Variants in KCNQ1 observed in about 807,000 individuals in gnomAD.
The protein encoded by KCNQ1 is potassium voltage-gated channel subfamily KQT member 1.
A neutral mutation model predicts 72.4 loss-of-function variants in KCNQ1; 49 were observed. The ratio of observed to expected loss-of-function variants is 0.68; its 90% CI spans 0.54 to 0.86. KCNQ1 has a LOEUF of 0.86. KCNQ1 is among the 40% of genes least tolerant of loss of function. The pLI is 0.00. For missense variants in KCNQ1, 790 were observed against 945.1 expected (o/e 0.84, Z 2.15); for synonymous variants, 450 against 412.6 (o/e 1.09, Z -1.10).
chr11:2,657,434 T>A lies in KCNQ1; in HGVS notation c.1394-4527T>A. On this transcript the variant is annotated intron_variant, in intron 10 of 15. Coordinates refer to ENST00000155840, the MANE Select transcript of KCNQ1 (RefSeq NM_000218.3). This position sits in a 1 kb window ranked among gnomAD's most constrained non-coding sequence, Gnocchi z 4.8. ...GAGTTCTTGCATATACTTAGTTAGA[T>A]AATTAATATTCTTTTGTGCTATTGT... The A allele has an allele frequency of 2.5e-6, 1 of 398,612 alleles. No individual in the cohort carries two copies. Among genetic ancestry groups the A allele is most frequent in the Admixed American group, 4.4e-5 (1 of 22,746 alleles). 24.7% of individuals were successfully genotyped at this position (398,612 alleles called of 1,614,324 possible). A position where few individuals can be genotyped will look rare whatever the true frequency, so the allele number is the denominator to read the frequency against.
At chr11:2,814,769 G>A (rs1213395322) in intron 15 of KCNQ1, among the ~76,000 whole-genome samples, 1 of 152,150 alleles carries the variant, frequency 6.6e-6, no homozygotes, top group Non-Finnish European at 1.5e-5. Context: ...AAGTCCTCGA[G>A]GCTGGCATCC....
In KCNQ1 at chr11:2,687,708, G is replaced by T; in HGVS notation, c.1514+25627G>T. On this transcript the variant is annotated intron_variant, in intron 11 of 15. Transcript: ENST00000155840. The surrounding 1 kb of genome is among the most constrained non-coding windows in gnomAD (Gnocchi z 5.0). ...GGGTTCAGTGTTGGAATGGGTCTGG[G>T]CCCAGATTTCAAGCCAGTAACCAGC... is the stretch of plus-strand genomic sequence containing the variant. 1 of 398,706 alleles carries T rather than the reference G, an allele frequency of 2.5e-6. No homozygotes were observed. Among genetic ancestry groups the T allele is most frequent in the Middle Eastern group, 6.3e-4 (1 of 1,590 alleles). The allele number at this position is 398,706 out of a possible 1,614,324, so 24.7% of individuals were successfully genotyped here.
chr11:2,649,125 A>G (rs1849718227), intron 10 of KCNQ1: 2 of 396,672 alleles, frequency 5.0e-6, no homozygotes, highest in Non-Finnish European at 8.9e-6. Flanking sequence ...TCAGTTTCTT[A>G]TAGGCAGCAT....
intron 2 of KCNQ1, among the ~76,000 whole-genome samples, chr11:2,568,762 G>A (rs532640642): frequency 3.3e-5 from 5 of 152,326 alleles, no homozygotes; most frequent in East Asian, 3.9e-4. Flanking sequence ...GAGCTCAGCC[G>A]GACCTCAGCC....
chr11:2,689,467 C>T (rs1305772148), intron 11 of KCNQ1: 3 of 398,572 alleles, frequency 7.5e-6, no homozygotes, highest in Non-Finnish European at 1.3e-5. Context: ...GAGACCTCTG[C>T]TCTGCCTACC....
intron 11 of KCNQ1, chr11:2,688,607 C>T (rs1850533432): frequency 2.5e-6 from 1 of 398,638 alleles, no homozygotes; most frequent in Non-Finnish European, 4.4e-6. Context: ...AGGCACTCAT[C>T]TTGTGCTGTG....
chr11:2,847,943 C>T lies in KCNQ1; in HGVS notation c.1971C>T (p.Asn657=), dbSNP rs1162185363. The T allele has an allele frequency of 6.4e-7, 1 of 1,571,870 alleles. No homozygotes were observed. The highest frequency in any genetic ancestry group is 8.6e-7 in the Non-Finnish European group (1 of 1,157,938). Residue 657 remains asparagine, a synonymous_variant, in exon 16 of 16, where the codon AAC becomes AAT. Coordinates refer to ENST00000155840, the MANE Select transcript of KCNQ1 (RefSeq NM_000218.3). Reference sequence around the variant, plus strand: ...ACCCTGAGCTCTTCCTGCCCAGCAACACCCTGCCCACCTACGAGCAGCTGA... The same window carrying T: ...ACCCTGAGCTCTTCCTGCCCAGCAATACCCTGCCCACCTACGAGCAGCTGA... ...SVDPELFLPS[N]TLPTYEQLTV... is the part of the protein sequence containing the mutation.
chr11:2,721,451 G>A (rs1851201480), intron 11 of KCNQ1, among the ~76,000 whole-genome samples: 2 of 152,246 alleles, frequency 1.3e-5, no homozygotes, highest in South Asian at 2.1e-4. Flanking sequence ...TCAGCAAATT[G>A]CTGTCTCCAG....
At chr11:2,518,679 C>T in intron 1 of KCNQ1, among the ~76,000 whole-genome samples, 1 of 152,190 alleles carries the variant, frequency 6.6e-6, no homozygotes, top group Non-Finnish European at 1.5e-5. Flanking sequence ...GGGGACAGCA[C>T]ACTTGGGGCT....
chr11:2,469,331 G>A (rs746518952), intron 1 of KCNQ1, among the ~76,000 whole-genome samples: 34 of 151,654 alleles, frequency 2.2e-4, no homozygotes, highest in African/African-American at 4.8e-4. Flanking sequence ...GTGTGGTGGC[G>A]TGATCTTGCT....
chr11:2,680,996 G>C, intron 11 of KCNQ1: 1 of 398,478 alleles, frequency 2.5e-6, no homozygotes, highest in Non-Finnish European at 4.4e-6. Context: ...GGTGAAATAG[G>C]TATGTGTTCT....
chr11:2,769,262 A>G lies in KCNQ1; in HGVS notation c.1590+343A>G, dbSNP rs1325644886. On this transcript the variant is annotated intron_variant, in intron 12 of 15. Coordinates refer to ENST00000155840, the MANE Select transcript of KCNQ1 (RefSeq NM_000218.3). The surrounding 1 kb of genome is among the most constrained non-coding windows in gnomAD (Gnocchi z 4.6). ...TAGTGAGAGATGTGAGGGTGACATC[A>G]GAATGACTCAGAGATGGTGCGGAGC... Among the ~76,000 whole-genome samples, 1 of 152,212 alleles carries G rather than the reference A, an allele frequency of 6.6e-6. No homozygotes were observed. The highest frequency in any genetic ancestry group is 1.5e-5 in the Non-Finnish European group (1 of 68,034).
intron 11 of KCNQ1, chr11:2,665,236 A>C (rs945056834): frequency 5.0e-6 from 2 of 398,402 alleles, no homozygotes; most frequent in Non-Finnish European, 8.8e-6. Flanking sequence ...AATGGGGCAC[A>C]AGAGAGTCCC....
rs1238936453 is a variant in KCNQ1, at chr11:2,647,759, A to G, written c.1394-14202A>G. 2.5e-6 allele frequency: 1 copy of G among 398,128 alleles called. No homozygotes were observed. The highest frequency in any genetic ancestry group is 3.6e-5 in the East Asian group (1 of 28,062). 24.7% of individuals were successfully genotyped at this position (398,128 alleles called of 1,614,324 possible). A position where few individuals can be genotyped will look rare whatever the true frequency, so the allele number is the denominator to read the frequency against. ...GTCCAGGAATTTATCTCTTTCCTCT[A>G]GGTTTTCTAATTGTTGACATATAGT... On this transcript the variant is annotated intron_variant, in intron 10 of 15. Coordinates refer to ENST00000155840, the MANE Select transcript of KCNQ1 (RefSeq NM_000218.3). This position sits in a 1 kb window ranked among gnomAD's most constrained non-coding sequence, Gnocchi z 4.0.
At chr11:2,632,927 C>A in intron 10 of KCNQ1, 2 of 398,374 alleles carry the variant, frequency 5.0e-6, no homozygotes, top group South Asian at 2.6e-4. Flanking sequence ...TCCTTTGAGT[C>A]AATACCCGGT....
rs1310603224 is a variant in KCNQ1, at chr11:2,658,884, AC to A, written c.1394-3074del. 5.0e-6 allele frequency: 2 copies of A among 398,278 alleles called. No homozygotes were observed. The highest frequency in any genetic ancestry group is 8.8e-6 in the Non-Finnish European group (2 of 226,014). 24.7% of individuals were successfully genotyped at this position (398,278 alleles called of 1,614,324 possible). A position where few individuals can be genotyped will look rare whatever the true frequency, so the allele number is the denominator to read the frequency against. ...TACAGTTCATTTACTTATTTGTGTA[AC>A]CCTATTGTACACGTAGTACCCTATG... On this transcript the variant is annotated intron_variant, in intron 10 of 15. Coordinates refer to ENST00000155840, the MANE Select transcript of KCNQ1 (RefSeq NM_000218.3). This position sits in a 1 kb window ranked among gnomAD's most constrained non-coding sequence, Gnocchi z 4.9.
At chr11:2,530,587 T>C (rs1398404510) in intron 2 of KCNQ1, among the ~76,000 whole-genome samples, 2 of 152,180 alleles carry the variant, frequency 1.3e-5, no homozygotes, top group Non-Finnish European at 2.9e-5. Context: ...ATGTGCGTGT[T>C]TATGGGTGAG....
chr11:2,551,998 C>T (rs1847989769), intron 2 of KCNQ1, among the ~76,000 whole-genome samples: 1 of 152,202 alleles, frequency 6.6e-6, no homozygotes, highest in Non-Finnish European at 1.5e-5. Flanking sequence ...AGTCCTTCAC[C>T]AGATCTGTTT....
At chr11:2,490,427 A>G (rs1352973460) in intron 1 of KCNQ1, among the ~76,000 whole-genome samples, 1 of 152,200 alleles carries the variant, frequency 6.6e-6, no homozygotes, top group Non-Finnish European at 1.5e-5. Context: ...GCTTTGAGTG[A>G]ACATAGGTGG....
Sources: allele counts gnomAD v4.1 joint callset (sites outside exome capture counted in the v4.1 genomes callset), GRCh38; gene constraint gnomAD v4.1.1; non-coding constraint Gnocchi (gnomAD v3.1); transcripts MANE v1.5; gene names NCBI Gene and HGNC (gene_info 2026-07-23, HGNC 2026-07-21).